UGT1A6: variants seen among roughly 807,000 people sequenced by gnomAD.
UGT1A6 encodes UDP-glucuronosyltransferase 1A6.
UGT1A6 carries 32 observed loss-of-function variants against 44.4 expected under a neutral mutation model. That is an observed-to-expected ratio of 0.72 (90% CI 0.54 to 0.97). The LOEUF (loss-of-function observed/expected upper bound fraction) is 0.97, where lower values mean the gene tolerates loss of function less well. Among genes scored for constraint, UGT1A6 ranks in the 50% least tolerant of loss-of-function variants. UGT1A6 has a pLI of 0.00. For missense variants in UGT1A6, 685 were observed against 661.9 expected, an observed-to-expected ratio of 1.03 and a Z score of -0.38; for synonymous variants, 238 against 248.5, an observed-to-expected ratio of 0.96 and a Z score of 0.40.
intron 1 of UGT1A6, among the ~76,000 whole-genome samples, chr2:233,703,977 G>T (rs139887897): frequency 0.027 from 4,130 of 151,638 alleles, 94 homozygotes; most frequent in African/African-American, 0.047. Context: ...TGCAACCTCC[G>T]CCTCCTGGGT....
At chr2:233,768,557 A>C in intron 4 of UGT1A6, 118 bp downstream of exon 4, 1 of 1,466,482 alleles carries the variant, frequency 6.8e-7, no homozygotes, top group Non-Finnish European at 9.0e-7. Flanking sequence ...AAACAAATAC[A>C]TAAAAATCTG....
At chr2:233,716,242 C>G (rs116835228) in intron 1 of UGT1A6, among the ~76,000 whole-genome samples, 2 of 152,158 alleles carry the variant, frequency 1.3e-5, no homozygotes, top group Non-Finnish European at 2.9e-5. Flanking sequence ...TTGTCCTGCC[C>G]GGACATCCAG....
intron 1 of UGT1A6, among the ~76,000 whole-genome samples, chr2:233,724,331 G>A (rs1366026275): frequency 6.4e-5 from 9 of 139,780 alleles, no homozygotes; most frequent in East Asian, 2.2e-4. Flanking sequence ...CTGGCCAGGC[G>A]GGGGGCTGAC....
At chr2:233,748,206 C>A (rs553740973) in intron 1 of UGT1A6, 35 of 1,508,468 alleles carry the variant, frequency 2.3e-5, no homozygotes, top group Admixed American at 4.0e-5. Context: ...GTCGTAATAG[C>A]CTTCAGTGAG....
intron 1 of UGT1A6, chr2:233,729,157 T>C (rs3821242): frequency 0.46 from 737,600 of 1,613,154 alleles, 172,577 homozygotes; most frequent in African/African-American, 0.64. Flanking sequence ...TCCCCTGCCG[T>C]GGCTGGCCAC....
chr2:233,719,349 C>T (rs2076756865), intron 1 of UGT1A6: 2 of 1,613,758 alleles, frequency 1.2e-6, no homozygotes, highest in Admixed American at 1.7e-5. Context: ...GAGGTACATT[C>T]CATGTGACTT....
At chr2:233,713,231 T>C in intron 1 of UGT1A6, 1 of 1,614,264 alleles carries the variant, frequency 6.2e-7, no homozygotes, top group South Asian at 1.1e-5. Flanking sequence ...TGACAACGTA[T>C]GCCATTTCAT....
At chr2:233,752,571 C>A (rs1486074220) in intron 1 of UGT1A6, 2 of 152,178 alleles carry the variant, frequency 1.3e-5, no homozygotes, top group African/African-American at 2.4e-5. Flanking sequence ...AGTGGGTCAA[C>A]ATCATTCCCA....
chr2:233,737,440 C>T (rs575360355), intron 1 of UGT1A6, among the ~76,000 whole-genome samples: 16 of 152,288 alleles, frequency 1.1e-4, no homozygotes, highest in African/African-American at 3.1e-4. Context: ...GGGAGTGTCC[C>T]GTTTTTCCAG....
At chr2:233,743,063 C>G (rs1189998350) in intron 1 of UGT1A6, 2 of 336,472 alleles carry the variant, frequency 5.9e-6, no homozygotes, top group East Asian at 7.7e-5. Context: ...ACGATAAGAA[C>G]AGGTGTTGGC....
At chr2:233,732,618 A>G (rs2078289754) in intron 1 of UGT1A6, among the ~76,000 whole-genome samples, 1 of 152,068 alleles carries the variant, frequency 6.6e-6, no homozygotes, top group Non-Finnish European at 1.5e-5. Flanking sequence ...ATGGTTGTAG[A>G]TGTGTGGTGT....
At chr2:233,721,847 C>T in intron 1 of UGT1A6, 2 of 514,910 alleles carry the variant, frequency 3.9e-6, no homozygotes, top group South Asian at 2.8e-5. Context: ...TGTGTCCAGC[C>T]CCACTGCTCG....
Position 233,718,785 on chromosome 2 carries a change from G to A in UGT1A6, c.861+24920G>A, listed in dbSNP as rs544842461. 94 of 1,613,086 alleles carry A rather than the reference G, an allele frequency of 5.8e-5. No homozygotes were observed. The East Asian group carries it at 1.3e-3, about 23-fold the overall frequency. On this transcript the variant is annotated intron_variant, in intron 1 of 4. Transcript: ENST00000305139. ...GAAACAAATGTAGCAGGCACAGCGTGGGGTGGACAGTCAGCTGTCGGTGGC... is the reference window on the plus strand; with the variant it reads ...GAAACAAATGTAGCAGGCACAGCGTAGGGTGGACAGTCAGCTGTCGGTGGC...
At chr2:233,747,328 A>C in intron 1 of UGT1A6, 1 of 1,603,802 alleles carries the variant, frequency 6.2e-7, no homozygotes, top group African/African-American at 1.3e-5. Flanking sequence ...CATTGATGGC[A>C]GCCACTGGCT....
intron 1 of UGT1A6, chr2:233,743,936 C>T (rs766652895): frequency 1.3e-5 from 17 of 1,355,746 alleles, no homozygotes; most frequent in Non-Finnish European, 1.7e-5. Context: ...CCAGAACGGC[C>T]CACCAGGCAC....
Position 233,725,768 on chromosome 2 carries a change from T to C in UGT1A6, c.861+31903T>C, listed in dbSNP as rs1448370166. Among the ~76,000 whole-genome samples, 5 of 152,306 alleles carry C rather than the reference T, an allele frequency of 3.3e-5. No individual in the cohort carries two copies. The South Asian group carries it at 1.0e-3, about 32-fold the overall frequency. ...GTAAGAGACTTACATTTTCTTCACATAGTTTGTTGTTATCATTAAATAATA... is the reference window on the plus strand; with the variant it reads ...GTAAGAGACTTACATTTTCTTCACACAGTTTGTTGTTATCATTAAATAATA... On this transcript the variant is annotated intron_variant, in intron 1 of 4. Coordinates refer to ENST00000305139, the MANE Select transcript of UGT1A6 (RefSeq NM_001072.4).
chr2:233,735,275 T>G (rs968370538), intron 1 of UGT1A6, among the ~76,000 whole-genome samples: 2 of 152,218 alleles, frequency 1.3e-5, no homozygotes, highest in Non-Finnish European at 2.9e-5. Context: ...GTAATGGCCT[T>G]CTTTGTCTCT....
intron 1 of UGT1A6, among the ~76,000 whole-genome samples, chr2:233,711,923 C>G (rs946379005): frequency 1.3e-5 from 2 of 152,212 alleles, no homozygotes; most frequent in Admixed American, 6.5e-5. Flanking sequence ...TGCTCAGGGT[C>G]TCTCCATTAG....
chr2:233,700,383 C>T (rs953707626), intron 1 of UGT1A6, among the ~76,000 whole-genome samples: 19 of 152,264 alleles, frequency 1.2e-4, no homozygotes, highest in African/African-American at 4.6e-4. Flanking sequence ...CATTTCCAGG[C>T]ATGTGGAACA....
Sources: allele counts gnomAD v4.1 joint callset (sites outside exome capture counted in the v4.1 genomes callset), GRCh38; gene constraint gnomAD v4.1.1; transcripts MANE v1.5; gene names NCBI Gene and HGNC (gene_info 2026-07-23, HGNC 2026-07-21).